KCTD1: variants seen among roughly 807,000 people sequenced by gnomAD.
KCTD1 encodes the protein potassium channel tetramerization domain containing 1.
KCTD1 carries 24 observed loss-of-function variants against 66.0 expected under a neutral mutation model. That is an observed-to-expected ratio of 0.36 (90% CI 0.26 to 0.51). The LOEUF (loss-of-function observed/expected upper bound fraction) is 0.51, where lower values mean the gene tolerates loss of function less well. KCTD1 is among the 20% of genes least tolerant of loss of function. The pLI is 0.95. For synonymous variants in KCTD1, 511 were observed against 517.2 expected (o/e 0.99, Z 0.16); for missense variants, 943 against 1,205.2 (o/e 0.78, Z 3.22).
At chr18:26,582,093 C>A (rs539355046) in intron 1 of KCTD1, among the ~76,000 whole-genome samples, 23 of 135,710 alleles carry the variant, frequency 1.7e-4, no homozygotes, top group African/African-American at 5.3e-4. Flanking sequence ...CATGGTGAAA[C>A]CCTGTCTCTA....
intron 2 of KCTD1, among the ~76,000 whole-genome samples, chr18:26,478,494 C>G (rs963375634): frequency 6.6e-6 from 1 of 152,088 alleles, no homozygotes; most frequent in East Asian, 1.9e-4. Flanking sequence ...GCACCTATAC[C>G]GAAATAAGTC....
intron 1 of KCTD1, among the ~76,000 whole-genome samples, chr18:26,584,047 C>T (rs1180540431): frequency 6.6e-6 from 1 of 152,198 alleles, no homozygotes; most frequent in African/African-American, 2.4e-5. Context: ...TTTCCAGAAT[C>T]CAGTTGGGTT....
chr18:26,459,722 G>C lies in KCTD1; in HGVS notation c.2337C>G (p.Ile779Met), dbSNP rs146911358. The C allele has an allele frequency of 6.2e-7, 1 of 1,614,066 alleles. No homozygotes were observed. Among genetic ancestry groups the C allele is most frequent in the Non-Finnish European group, 8.5e-7 (1 of 1,179,988 alleles). Residue 779 changes from isoleucine to methionine, a missense_variant, in exon 4 of 5, where the codon ATC (isoleucine) becomes ATG (methionine). Transcript: ENST00000580059. ...KSLIEEVFPE[I>M]GDVMCNSVNA... The stretch of plus-strand genomic sequence containing the variant: ...TGACAGAGTTACACATCACGTCGCC[G>C]ATCTCTGGAAATACTTCTTCTATCA...
At chr18:26,561,215 T>A (rs982004854) in intron 1 of KCTD1, among the ~76,000 whole-genome samples, 1 of 151,988 alleles carries the variant, frequency 6.6e-6, no homozygotes. Flanking sequence ...ATTTTACAAA[T>A]GTAACTGCAG....
chr18:26,648,437 C>A (rs1437606901), intron 1 of KCTD1, among the ~76,000 whole-genome samples: 1 of 152,196 alleles, frequency 6.6e-6, no homozygotes, highest in Non-Finnish European at 1.5e-5. Flanking sequence ...AGGGACCCAC[C>A]CTGTAGCATT....
chr18:26,487,730 C>T (rs1254038725), intron 2 of KCTD1, among the ~76,000 whole-genome samples: 1 of 152,138 alleles, frequency 6.6e-6, no homozygotes, highest in East Asian at 1.9e-4. Flanking sequence ...TGGGCTTAGT[C>T]GTGGTTTATC....
intron 1 of KCTD1, among the ~76,000 whole-genome samples, chr18:26,578,053 CTTTCTTTTTTTTT>C (rs1986267618): frequency 8.0e-6 from 1 of 124,738 alleles, no homozygotes; most frequent in Non-Finnish European, 1.7e-5. Flanking sequence ...CTTTTCTTTT[CTTTCTTTTTTTTT>C]TTTTTTTTTT....
chr18:26,470,252 C>T (rs1398015285), intron 3 of KCTD1, among the ~76,000 whole-genome samples: 2 of 149,318 alleles, frequency 1.3e-5, no homozygotes, highest in Non-Finnish European at 3.0e-5. Flanking sequence ...GCCTATTTCT[C>T]TTACTACAGA....
intron 1 of KCTD1, among the ~76,000 whole-genome samples, chr18:26,637,810 G>T (rs576881366): frequency 6.6e-6 from 1 of 152,364 alleles, no homozygotes; most frequent in Middle Eastern, 3.4e-3. Flanking sequence ...GCAACCTTGA[G>T]AAAGTTATGT....
chr18:26,462,267 G>A (rs1567954556), intron 3 of KCTD1, among the ~76,000 whole-genome samples: 1 of 152,208 alleles, frequency 6.6e-6, no homozygotes, highest in South Asian at 2.1e-4. Flanking sequence ...ACCACTCTGG[G>A]ATCCTGCTAG....
chr18:26,469,712 G>A (rs2144574267), intron 3 of KCTD1, among the ~76,000 whole-genome samples: 1 of 152,266 alleles, frequency 6.6e-6, no homozygotes, highest in East Asian at 1.9e-4. Flanking sequence ...TTGAAAGGAA[G>A]TGCATTGCCT....
chr18:26,593,356 AGG>A, intron 1 of KCTD1, among the ~76,000 whole-genome samples: 2 of 139,928 alleles, frequency 1.4e-5, no homozygotes, highest in African/African-American at 2.7e-5. Flanking sequence ...GAGGAGGAGG[AGG>A]AAGAGGAGGA....
At chr18:26,618,714 T>C (rs573118305) in intron 1 of KCTD1, among the ~76,000 whole-genome samples, 4 of 152,216 alleles carry the variant, frequency 2.6e-5, no homozygotes, top group Non-Finnish European at 4.4e-5. Context: ...ATTAAAGTAG[T>C]TGCATTTCTA....
At chr18:26,618,841 G>A (rs965932729) in intron 1 of KCTD1, among the ~76,000 whole-genome samples, 3 of 152,170 alleles carry the variant, frequency 2.0e-5, no homozygotes, top group East Asian at 1.9e-4. Flanking sequence ...AAAACTATGC[G>A]TAGATGAACT....
chr18:26,631,987 T>C (rs973154140), upstream of KCTD1, among the ~76,000 whole-genome samples: 1 of 151,950 alleles, frequency 6.6e-6, no homozygotes, highest in African/African-American at 2.4e-5. Flanking sequence ...CAGGCGGAGC[T>C]TGAAGTGAGC....
intron 1 of KCTD1, among the ~76,000 whole-genome samples, chr18:26,634,398 T>C (rs1381208170): frequency 6.6e-6 from 1 of 152,192 alleles, no homozygotes; most frequent in African/African-American, 2.4e-5. Flanking sequence ...CGTATCAAAA[T>C]GTGTACACAT....
At chr18:26,473,468 C>G (rs892293712) in intron 3 of KCTD1, among the ~76,000 whole-genome samples, 2 of 152,058 alleles carry the variant, frequency 1.3e-5, no homozygotes, top group East Asian at 3.9e-4. Context: ...GGCTTAATAC[C>G]TAGGTGATAG....
At chr18:26,545,179 C>T (rs898769002) in intron 1 of KCTD1, 19 of 152,170 alleles carry the variant, frequency 1.2e-4, no homozygotes, top group African/African-American at 2.4e-4. Flanking sequence ...AGGCCATGCA[C>T]GCCTTAATAA....
At chr18:26,495,480 TC>T (rs1483686355) in intron 2 of KCTD1, among the ~76,000 whole-genome samples, 1 of 152,104 alleles carries the variant, frequency 6.6e-6, no homozygotes, top group Non-Finnish European at 1.5e-5. Context: ...GGCATCTCCA[TC>T]CTAAAGCTCC....
Sources: allele counts gnomAD v4.1 joint callset (sites outside exome capture counted in the v4.1 genomes callset), GRCh38; gene constraint gnomAD v4.1.1; transcripts MANE v1.5; gene names NCBI Gene and HGNC (gene_info 2026-07-23, HGNC 2026-07-21).